Variants in ABCC11 observed in about 807,000 individuals in gnomAD.
ABCC11 encodes ATP-binding cassette sub-family C member 11.
ABCC11 carries 135 observed loss-of-function variants against 149.3 expected under a neutral mutation model. The observed-to-expected ratio is 0.90, with a 90% confidence interval of 0.79 to 1.04. The LOEUF (loss-of-function observed/expected upper bound fraction) is 1.04. Ranked by LOEUF, ABCC11 falls within the 50% of genes least tolerant of loss-of-function variation. The pLI is 0.00. For missense variants in ABCC11, 1,680 were observed against 1,722.1 expected (o/e 0.98, Z 0.43); for synonymous variants, 665 against 671.4 (o/e 0.99, Z 0.15).
At position 48,224,312 on chromosome 16, in the gene ABCC11, G is replaced by A. The variant is rs2150901117; in HGVS notation, c.513C>T (p.Ile171=). 1 of 1,614,182 alleles carries A rather than the reference G, an allele frequency of 6.2e-7. No homozygotes were observed. The highest frequency in any genetic ancestry group is 8.5e-7 in the Non-Finnish European group (1 of 1,180,014). The change falls in exon 5 of 30, where the codon ATC becomes ATT. Residue 171 remains isoleucine (I), a synonymous_variant. Transcript: ENST00000356608. The part of the protein sequence containing the change: ...TRLIFDALLG[I]CFCIASVLGP... Reference sequence around the variant, plus strand: ...CGAGTACACTGGCAATGCAGAAGCAGATGCCCAGAAGTGCATCGAAAATCA... The same window carrying A: ...CGAGTACACTGGCAATGCAGAAGCAAATGCCCAGAAGTGCATCGAAAATCA...
At chr16:48,243,951 C>T (rs1332116212) in intron 1 of ABCC11, among the ~76,000 whole-genome samples, 2 of 152,060 alleles carry the variant, frequency 1.3e-5, no homozygotes, top group Admixed American at 6.6e-5. Flanking sequence ...GGTATCGCGC[C>T]ATTGCACTCC....
chr16:48,167,158 C>G lies in ABCC11; in HGVS notation c.*116G>C. Reference sequence around the variant, plus strand: ...CCCACCCCCCCTACATTTACCCCTGCTTCCAGGAGAAGTTCTCATCTCCAA... The same window carrying G: ...CCCACCCCCCCTACATTTACCCCTGGTTCCAGGAGAAGTTCTCATCTCCAA... On this transcript the variant is annotated 3_prime_UTR_variant, in exon 30 of 30. Coordinates refer to ENST00000356608, the MANE Select transcript of ABCC11 (RefSeq NM_001370497.1). The G allele has an allele frequency of 1.0e-5, 5 of 492,320 alleles. No individual in the cohort carries two copies. The highest frequency in any genetic ancestry group is 4.5e-5 in the East Asian group (1 of 22,412). 30.5% of individuals were successfully genotyped at this position (492,320 alleles called of 1,614,324 possible).
At chr16:48,246,805 A>C (rs1364957533) in intron 1 of ABCC11, among the ~76,000 whole-genome samples, 1 of 151,974 alleles carries the variant, frequency 6.6e-6, no homozygotes, top group Non-Finnish European at 1.5e-5. Flanking sequence ...AAACTCCTGG[A>C]CTCAAGCTAT....
At chr16:48,233,736 T>C (rs945784095) in intron 1 of ABCC11, among the ~76,000 whole-genome samples, 3 of 152,238 alleles carry the variant, frequency 2.0e-5, no homozygotes, top group Non-Finnish European at 4.4e-5. Flanking sequence ...AAGTCTCATA[T>C]CCTTGCAAAG....
intron 1 of ABCC11, among the ~76,000 whole-genome samples, chr16:48,243,588 T>A (rs1971130031): frequency 6.8e-6 from 1 of 147,716 alleles, no homozygotes; most frequent in Non-Finnish European, 1.5e-5. Flanking sequence ...GGTTAAACGA[T>A]AATAATGTTA....
chr16:48,167,491 T>G lies in ABCC11; in HGVS notation c.4056+5A>C. The G allele has an allele frequency of 6.2e-7, 1 of 1,614,016 alleles. No homozygotes were observed. The highest frequency in any genetic ancestry group is 8.5e-7 in the Non-Finnish European group (1 of 1,179,924). On this transcript the variant is annotated splice_donor_5th_base_variant and intron_variant, in intron 29 of 29. Coordinates refer to ENST00000356608, the MANE Select transcript of ABCC11 (RefSeq NM_001370497.1). ...CTCCCACCAGCCCAAGGACGCAGCC[T>G]TCACCTTCCCATTGCCCATAACCAG...
chr16:48,233,187 C>G (rs1970518094), intron 1 of ABCC11, among the ~76,000 whole-genome samples: 2 of 152,174 alleles, frequency 1.3e-5, no homozygotes, highest in South Asian at 4.1e-4. Context: ...GGCAACAGAG[C>G]AAGACCCCAT....
At chr16:48,170,009 T>C in intron 28 of ABCC11, 96 bp downstream of exon 28, 2 of 837,998 alleles carry the variant, frequency 2.4e-6, no homozygotes, top group East Asian at 2.5e-5. Context: ...CAGAGCCCAG[T>C]GTCCCACGGT....
intron 24 of ABCC11, 88 bp downstream of exon 24, chr16:48,178,509 C>T: frequency 7.8e-7 from 1 of 1,285,422 alleles, no homozygotes; most frequent in Non-Finnish European, 1.1e-6. Flanking sequence ...GGTCTCAGGG[C>T]TCTGAGGCCA....
chr16:48,190,170 A>G (rs1596708612), intron 20 of ABCC11, among the ~76,000 whole-genome samples: 1 of 152,092 alleles, frequency 6.6e-6, no homozygotes, highest in East Asian at 1.9e-4. Context: ...TTACATATCT[A>G]CGACAATGGC....
At chr16:48,224,552 G>A in intron 4 of ABCC11, 123 bp from the exon 5 acceptor site, 1 of 1,105,058 alleles carries the variant, frequency 9.0e-7, no homozygotes. Context: ...GAACAATGTA[G>A]TAATCTTCTG....
intron 26 of ABCC11, among the ~76,000 whole-genome samples, chr16:48,171,393 G>A (rs1046306565): frequency 3.3e-5 from 5 of 152,200 alleles, no homozygotes; most frequent in Non-Finnish European, 7.3e-5. Flanking sequence ...CCACAGGAGT[G>A]GGACACATGG....
intron 1 of ABCC11, among the ~76,000 whole-genome samples, chr16:48,245,700 A>G (rs778968293): frequency 3.3e-5 from 5 of 152,246 alleles, no homozygotes; most frequent in African/African-American, 4.8e-5. Flanking sequence ...AATACATTTT[A>G]TATGGATTAA....
chr16:48,175,752 C>T (rs1271791566), intron 25 of ABCC11, among the ~76,000 whole-genome samples: 1 of 152,156 alleles, frequency 6.6e-6, no homozygotes, highest in Non-Finnish European at 1.5e-5. Context: ...GTTCAAATTG[C>T]ATGTTTCTCT....
chr16:48,183,536 T>C (rs1247509295), intron 23 of ABCC11, among the ~76,000 whole-genome samples: 2 of 152,176 alleles, frequency 1.3e-5, no homozygotes, highest in African/African-American at 4.8e-5. Context: ...CCGAGGCCAG[T>C]GGATCACTTG....
intron 23 of ABCC11, among the ~76,000 whole-genome samples, chr16:48,179,533 A>G (rs557274079): frequency 8.5e-4 from 129 of 152,330 alleles, no homozygotes; most frequent in African/African-American, 3.0e-3. Flanking sequence ...CATTCATTCA[A>G]CAAACTCTGG....
At position 48,200,439 on chromosome 16, in the gene ABCC11, T is replaced by A; in HGVS notation, c.1919A>T (p.Gln640Leu). 6.2e-7 allele frequency: 1 copy of A among 1,614,200 alleles called. No individual in the cohort carries two copies. The highest frequency in any genetic ancestry group is 8.5e-7 in the Non-Finnish European group (1 of 1,180,038). ...RGLNLSGGQK[Q>L]RISLARAVYS... ...GACGGCGCGGGCCAGGCTGATCCTC[T>A]GTTTCTGCCCCCCAGAGAGGTTGAG... Residue 640 changes from glutamine (Q) to leucine (L), a missense_variant, in exon 15 of 30, where the codon CAG (glutamine) becomes CTG (leucine). Gln to Leu is a moderately radical substitution (Grantham distance 113, BLOSUM62 -2). Transcript: ENST00000356608.
At chr16:48,167,950 T>C (rs1965444098) in intron 28 of ABCC11, among the ~76,000 whole-genome samples, 1 of 152,244 alleles carries the variant, frequency 6.6e-6, no homozygotes, top group African/African-American at 2.4e-5. Context: ...TTTTATTAAC[T>C]ACTTTCCCAT....
At position 48,215,012 on chromosome 16, in the gene ABCC11, T is replaced by C. The variant is rs1331302097; in HGVS notation, c.1117A>G (p.Arg373Gly). ...AGCCCGCACTTCTCCAATAGTTTCC[T>C]TTCCTTCCTTCTTAGGTCTGGGAAA... is the stretch of plus-strand genomic sequence containing the variant. ...KIIEDLRRKE[R>G]KLLEKCGLVQ... Residue 373 changes from arginine (R) to glycine (G), a missense_variant, in exon 9 of 30, where the codon AGG (arginine) becomes GGG (glycine). Arg to Gly is a moderately radical substitution (Grantham distance 125). Transcript: ENST00000356608. The C allele has an allele frequency of 4.3e-6, 7 of 1,613,808 alleles. No individual in the cohort carries two copies. The highest frequency in any genetic ancestry group is 3.3e-5 in the Admixed American group (2 of 59,920).
Sources: allele counts gnomAD v4.1 joint callset (sites outside exome capture counted in the v4.1 genomes callset), GRCh38; gene constraint gnomAD v4.1.1; transcripts MANE v1.5; gene names NCBI Gene and HGNC (gene_info 2026-07-23, HGNC 2026-07-21).